Variants in TUSC3 observed in about 807,000 individuals in gnomAD.
The protein encoded by TUSC3 is dolichyl-diphosphooligosaccharide--protein glycosyltransferase subunit TUSC3.
Under a neutral mutation model 44.8 loss-of-function variants are expected in TUSC3, and 45 were observed. That is an observed-to-expected ratio of 1.00 (90% CI 0.79 to 1.29). The LOEUF (loss-of-function observed/expected upper bound fraction) is 1.29, where lower values mean the gene tolerates loss of function less well. Ranked by LOEUF, TUSC3 falls within the 50% of genes most tolerant of loss-of-function variation. The pLI is 0.00. For missense variants in TUSC3, 519 were observed against 437.9 expected, an observed-to-expected ratio of 1.19 and a Z score of -1.65; for synonymous variants, 212 against 152.9, an observed-to-expected ratio of 1.39 and a Z score of -2.85.
intron 1 of TUSC3, among the ~76,000 whole-genome samples, chr8:15,420,147 TAG>T (rs1280933252): frequency 6.6e-5 from 10 of 152,142 alleles, no homozygotes; most frequent in Non-Finnish European, 1.3e-4. Context: ...AATTCACCTT[TAG>T]AGAGTTATAT....
intron 1 of TUSC3, among the ~76,000 whole-genome samples, chr8:15,591,479 A>G (rs1015051119): frequency 6.6e-6 from 1 of 152,232 alleles, no homozygotes; most frequent in Non-Finnish European, 1.5e-5. Context: ...CTCTGGAGAA[A>G]TATTATGAGC....
the TUSC3 span, among the ~76,000 whole-genome samples, chr8:15,826,419 A>C: frequency 6.6e-6 from 1 of 152,158 alleles, no homozygotes; most frequent in African/African-American, 2.4e-5. Flanking sequence ...TCTTTGCGGA[A>C]CACATAGAAA....
intron 2 of TUSC3, among the ~76,000 whole-genome samples, chr8:15,527,995 C>T (rs1243814653): frequency 3.9e-5 from 6 of 152,046 alleles, no homozygotes; most frequent in Non-Finnish European, 8.8e-5. Context: ...TTGGTAAGTC[C>T]TGGTTTTAGC....
intron 1 of TUSC3, among the ~76,000 whole-genome samples, chr8:15,612,196 A>C (rs1283897395): frequency 6.6e-6 from 1 of 152,162 alleles, no homozygotes; most frequent in East Asian, 1.9e-4. Context: ...GATAGCAGGT[A>C]CCTGAATAAG....
chr8:15,505,908 T>C (rs2129127615), intron 2 of TUSC3, among the ~76,000 whole-genome samples: 1 of 152,308 alleles, frequency 6.6e-6, no homozygotes, highest in African/African-American at 2.4e-5. Context: ...AACATATTCT[T>C]GCCCAATCTG....
chr8:15,561,846 C>G (rs1441259475), intron 1 of TUSC3, among the ~76,000 whole-genome samples: 1 of 152,118 alleles, frequency 6.6e-6, no homozygotes, highest in Non-Finnish European at 1.5e-5. Context: ...TGAGGCAATG[C>G]CTCGCCCTGT....
chr8:15,789,712 G>A, the TUSC3 span, among the ~76,000 whole-genome samples: 1 of 152,058 alleles, frequency 6.6e-6, no homozygotes, highest in Non-Finnish European at 1.5e-5. Context: ...TGAAACATTT[G>A]CCAGGAGCCA....
chr8:15,552,361 G>A (rs537884766), intron 1 of TUSC3, among the ~76,000 whole-genome samples: 2 of 151,828 alleles, frequency 1.3e-5, no homozygotes, highest in South Asian at 2.1e-4. Flanking sequence ...GTAGAGTGAT[G>A]AATAAGACAG....
the TUSC3 span, among the ~76,000 whole-genome samples, chr8:15,793,973 G>A: frequency 4.9e-4 from 75 of 152,264 alleles, no homozygotes; most frequent in Non-Finnish European, 1.0e-3. Context: ...AGAGAAGAGC[G>A]CTCCAAGATT....
rs973878144 is a variant in TUSC3, at chr8:15,478,813, G to A, written n.92-4573G>A. 3.3e-5 allele frequency among the ~76,000 whole-genome samples: 5 copies of A among 152,028 alleles called. No individual in the cohort carries two copies. The South Asian group carries it at 6.2e-4, about 19-fold the overall frequency. On this transcript the variant is annotated intron_variant and non_coding_transcript_variant, in intron 1 of 5. Coordinates refer to the TUSC3 transcript ENST00000503191. Reference sequence around the variant, plus strand: ...TATATACCTAGTAATGGGATTCATGGGTAAAATGGTATTTCTGTTTCTAGG... The same window carrying A: ...TATATACCTAGTAATGGGATTCATGAGTAAAATGGTATTTCTGTTTCTAGG...
chr8:15,769,623 A>G (rs975758803), downstream of TUSC3, among the ~76,000 whole-genome samples: 1 of 152,178 alleles, frequency 6.6e-6, no homozygotes, highest in Non-Finnish European at 1.5e-5. Context: ...AAAAGAAACT[A>G]TGATTAGAGC....
At chr8:15,518,067 C>T (rs529147673) in intron 2 of TUSC3, among the ~76,000 whole-genome samples, 2 of 152,156 alleles carry the variant, frequency 1.3e-5, no homozygotes, top group South Asian at 4.2e-4. Flanking sequence ...AACTATTCCA[C>T]TTTCAGTCTC....
At chr8:15,430,346 T>C (rs1799856911) in intron 1 of TUSC3, among the ~76,000 whole-genome samples, 1 of 150,040 alleles carries the variant, frequency 6.7e-6, no homozygotes, top group African/African-American at 2.5e-5. Flanking sequence ...ATAAACGTAA[T>C]CCAGCGTATA....
intron 1 of TUSC3, among the ~76,000 whole-genome samples, chr8:15,431,402 T>G (rs73189473): frequency 0.14 from 21,134 of 151,656 alleles, 1,768 homozygotes; most frequent in Middle Eastern, 0.22. Context: ...CACTTCCGTG[T>G]TTAAATTTAT....
intron 2 of TUSC3, among the ~76,000 whole-genome samples, chr8:15,520,055 A>G (rs1486168323): frequency 6.6e-6 from 1 of 152,152 alleles, no homozygotes; most frequent in Non-Finnish European, 1.5e-5. Flanking sequence ...ACCTAATAAG[A>G]TTCAGACTCT....
At chr8:15,471,263 G>A (rs1364041421) in intron 1 of TUSC3, among the ~76,000 whole-genome samples, 1 of 152,106 alleles carries the variant, frequency 6.6e-6, no homozygotes. Context: ...GTTTAGTAGT[G>A]GAAGTGATTT....
chr8:15,522,187 C>G (rs1801308214), intron 2 of TUSC3, among the ~76,000 whole-genome samples: 1 of 151,904 alleles, frequency 6.6e-6, no homozygotes. Flanking sequence ...TGTTCCACCA[C>G]AAGTCATGGG....
At chr8:15,808,428 G>C in the TUSC3 span, among the ~76,000 whole-genome samples, 3 of 152,090 alleles carry the variant, frequency 2.0e-5, no homozygotes, top group Admixed American at 6.5e-5. Context: ...ATTACTATCA[G>C]TGAGAGTTTT....
chr8:15,701,853 G>T (rs1349735901), intron 6 of TUSC3, among the ~76,000 whole-genome samples: 1 of 152,132 alleles, frequency 6.6e-6, no homozygotes, highest in Admixed American at 6.6e-5. Flanking sequence ...ATGGACTGTT[G>T]TCTCTGATAA....
Sources: gnomAD v4.1 joint callset for allele counts (sites outside exome capture counted in the v4.1 genomes callset) on GRCh38, gnomAD v4.1.1 for gene constraint, MANE v1.5 for transcripts, NCBI Gene and HGNC (gene_info 2026-07-23, HGNC 2026-07-21) for gene names.